ARLN: variants seen among roughly 807,000 people sequenced by gnomAD.
ARLN encodes sarcoplasmic/endoplasmic reticulum calcium ATPase regulator ARLN.
the ARLN span, among the ~76,000 whole-genome samples, chr4:119,301,595 G>A: frequency 6.6e-6 from 1 of 152,102 alleles, no homozygotes; most frequent in Non-Finnish European, 1.5e-5. Flanking sequence ...TTCCTGAATT[G>A]TTCAGAAAAT....
chr4:119,299,753 A>G, the ARLN span, among the ~76,000 whole-genome samples: 24 of 152,198 alleles, frequency 1.6e-4, no homozygotes, highest in African/African-American at 5.3e-4. Flanking sequence ...TCTGGGAGGT[A>G]ACGGTGGATA....
At chr4:119,299,078 CT>C in the ARLN span, among the ~76,000 whole-genome samples, 35 of 152,220 alleles carry the variant, frequency 2.3e-4, no homozygotes, top group Middle Eastern at 3.4e-3. Flanking sequence ...CCATTAATCC[CT>C]CTCGCTCCCC....
chr4:119,300,665 A>C, the ARLN span: 3 of 1,551,698 alleles, frequency 1.9e-6, no homozygotes, highest in Non-Finnish European at 2.6e-6. Context: ...CGGGTTCCGG[A>C]ATGCACTCTG....
the ARLN span, chr4:119,300,331 C>G: frequency 4.4e-6 from 7 of 1,604,086 alleles, no homozygotes; most frequent in Non-Finnish European, 5.1e-6. Flanking sequence ...ATTCGAGATA[C>G]TCACCATGGC....
chr4:119,297,698 C>CTA, the ARLN span: 1 of 152,574 alleles, frequency 6.6e-6, no homozygotes, highest in East Asian at 1.9e-4. Flanking sequence ...CTCAAGTGAT[C>CTA]TACCACCCTT....
the ARLN span, chr4:119,297,540 T>C: frequency 6.6e-6 from 1 of 152,268 alleles, no homozygotes; most frequent in Non-Finnish European, 1.5e-5. Flanking sequence ...CCTCCCGGAT[T>C]CAAGCAATTC....
chr4:119,300,281 G>C, the ARLN span: 2 of 1,423,656 alleles, frequency 1.4e-6, no homozygotes, highest in Non-Finnish European at 1.9e-6. Context: ...GCCCAAAAGC[G>C]AGCAAATGAT....
chr4:119,300,480 C>T, the ARLN span: 2 of 1,614,168 alleles, frequency 1.2e-6, no homozygotes, highest in Admixed American at 1.7e-5. Flanking sequence ...CTCGCTAAAG[C>T]CTCGCCGCTC....
the ARLN span, among the ~76,000 whole-genome samples, chr4:119,299,169 C>G: frequency 2.6e-5 from 4 of 152,292 alleles, no homozygotes; most frequent in South Asian, 8.3e-4. Flanking sequence ...TCACTGAAGC[C>G]TCGACCTCCC....
the ARLN span, chr4:119,300,748 G>C: frequency 6.7e-7 from 1 of 1,501,766 alleles, no homozygotes; most frequent in East Asian, 2.5e-5. Context: ...CATGAAGCGC[G>C]GCCTCCGCCT....
chr4:119,303,228 A>G, the ARLN span, among the ~76,000 whole-genome samples: 20 of 128,052 alleles, frequency 1.6e-4, no homozygotes, highest in South Asian at 2.5e-3. Context: ...GTTCTCTTCA[A>G]TTCTTTTTTT....
At chr4:119,300,724 T>G in the ARLN span, 1 of 1,521,484 alleles carries the variant, frequency 6.6e-7, no homozygotes, top group Admixed American at 2.0e-5. Flanking sequence ...TTCCGCTGCC[T>G]CCGTGACCGC....
At chr4:119,300,661 C>G in the ARLN span, 5 of 1,554,220 alleles carry the variant, frequency 3.2e-6, no homozygotes, top group East Asian at 9.7e-5. Flanking sequence ...GCCCCGGGTT[C>G]CGGAATGCAC....
At chr4:119,296,558 C>CA in the ARLN span, 2 of 152,174 alleles carry the variant, frequency 1.3e-5, no homozygotes, top group African/African-American at 4.8e-5. Context: ...GTCTGAGAAC[C>CA]AGGGGCCCTG....
the ARLN span, among the ~76,000 whole-genome samples, chr4:119,302,304 C>G: frequency 1.1e-4 from 17 of 152,304 alleles, no homozygotes; most frequent in Admixed American, 2.0e-4. Flanking sequence ...GAACGTCTGC[C>G]AGACTTGGAA....
the ARLN span, chr4:119,297,887 C>T: frequency 6.6e-6 from 1 of 152,550 alleles, no homozygotes; most frequent in Non-Finnish European, 1.5e-5. Context: ...ATTTAAATAA[C>T]AATAAGAATG....
chr4:119,300,771 A>C, the ARLN span: 1 of 1,470,796 alleles, frequency 6.8e-7, no homozygotes, highest in African/African-American at 1.4e-5. Flanking sequence ...ACACTAAGTC[A>C]ATGGGCCCGC....
the ARLN span, chr4:119,304,285 A>G: frequency 6.5e-7 from 1 of 1,536,894 alleles, no homozygotes; most frequent in Non-Finnish European, 8.7e-7. Context: ...TCCACCTTCT[A>G]TGTCATGTTT....
the ARLN span, chr4:119,300,949 G>A: frequency 1.3e-6 from 1 of 747,364 alleles, no homozygotes; most frequent in Non-Finnish European, 2.1e-6. Flanking sequence ...GGATCCTTAT[G>A]CCAACGTGTT....
Sources: allele counts gnomAD v4.1 joint callset (sites outside exome capture counted in the v4.1 genomes callset), GRCh38; gene constraint gnomAD v4.1.1; transcripts MANE v1.5; gene names NCBI Gene and HGNC (gene_info 2026-07-23, HGNC 2026-07-21).